Variants in TULP4 observed in about 807,000 individuals in gnomAD.
TULP4 encodes the protein tubby-related protein 4.
Under a neutral mutation model 129.0 loss-of-function variants are expected in TULP4, and 16 were observed. That is an observed-to-expected ratio of 0.12 (90% CI 0.08 to 0.19). TULP4 has a LOEUF of 0.19. Ranked by LOEUF, TULP4 falls within the 10% of genes least tolerant of loss-of-function variation. The pLI, the probability that TULP4 is intolerant of heterozygous loss-of-function variation, is 1.00. For synonymous variants in TULP4, 998 were observed against 854.0 expected (o/e 1.17, Z -2.94); for missense variants, 1,842 against 2,059.1 (o/e 0.89, Z 2.04).
chr6:158,392,813 T>TTTTTTTG (rs1777618352), intron 1 of TULP4, among the ~76,000 whole-genome samples: 1 of 120,998 alleles, frequency 8.3e-6, no homozygotes. Flanking sequence ...TTTTTTTTTT[T>TTTTTTTG]TTTTTTGAGA....
Position 158,503,227 on chromosome 6 carries a change from A to C in TULP4, c.3564A>C (p.Gly1188=). 6.2e-7 allele frequency: 1 copy of C among 1,614,008 alleles called. No individual in the cohort carries two copies. ...TATFQTGYGM[G]VPYPGSYNNP... ...CTTTCCAAACAGGCTATGGGATGGG[A>C]GTGCCATATCCAGGAAGCTATAACA... Residue 1188 remains glycine, a synonymous_variant, in exon 13 of 14, where the codon GGA becomes GGC. Transcript: ENST00000367097. The surrounding 1 kb of genome is among the most constrained non-coding windows in gnomAD (Gnocchi z 4.3).
intron 1 of TULP4, among the ~76,000 whole-genome samples, chr6:158,354,286 C>G (rs1168912003): frequency 2.6e-5 from 4 of 152,038 alleles, no homozygotes; most frequent in Non-Finnish European, 2.9e-5. Context: ...ATATGAATAG[C>G]CTTTATGTGT....
In TULP4 at chr6:158,440,395, C is replaced by G. The variant is rs551357873; in HGVS notation, c.544-8601C>G. The stretch of plus-strand genomic sequence containing the variant: ...ATGGTCAGCTTCTACACTGGAAACC[C>G]TTACTGGTGACTGGTGAGTGTGCTG... On this transcript the variant is annotated intron_variant, in intron 3 of 13. Transcript: ENST00000367097. 7.9e-5 allele frequency among the ~76,000 whole-genome samples: 12 copies of G among 151,832 alleles called. No homozygotes were observed. The South Asian group carries it at 2.3e-3, about 29-fold the overall frequency.
chr6:158,504,120 G>T lies in TULP4; in HGVS notation c.4457G>T (p.Gly1486Val). 6.2e-7 allele frequency: 1 copy of T among 1,608,594 alleles called. No homozygotes were observed. Among genetic ancestry groups the T allele is most frequent in the Non-Finnish European group, 8.5e-7 (1 of 1,177,972 alleles). Residue 1486 changes from glycine to valine, a missense_variant, in exon 13 of 14, where the codon GGG (glycine) becomes GTG (valine). Gly to Val is a moderately radical substitution (Grantham distance 109). This residue lies in a region of TULP4 where 47 missense variants were observed against 104.0 expected (regional missense o/e 0.45). Coordinates refer to ENST00000367097, the MANE Select transcript of TULP4 (RefSeq NM_020245.5). ...EATQVYQLDF[G>V]GRVTQESAKN... ...ACCCAGGTCTACCAGCTGGACTTCG[G>T]GGGGCGGGTGACCCAGGAGTCCGCC...
At position 158,502,384 on chromosome 6, in the gene TULP4, G is replaced by A. The variant is rs143772991; in HGVS notation, c.2721G>A (p.Met907Ile). ...AGGTGTGCCGGCCCCGCACCCGGAT[G>A]CTGTGCTCCCAGAACACGTACACCC... ...VEEVCRPRTR[M>I]LCSQNTYTLP... The change falls in exon 13 of 14, where the codon ATG becomes ATA. Residue 907 changes from methionine (M) to isoleucine (I), a missense_variant. Met to Ile is a conservative substitution (Grantham distance 10, BLOSUM62 1). Transcript: ENST00000367097. 8.2e-5 allele frequency: 133 copies of A among 1,613,778 alleles called. No homozygotes were observed. The African/African-American group carries it at 1.2e-3, about 15-fold the overall frequency.
At chr6:158,420,955 C>T (rs1191333110) in intron 2 of TULP4, among the ~76,000 whole-genome samples, 1 of 152,194 alleles carries the variant, frequency 6.6e-6, no homozygotes, top group Non-Finnish European at 1.5e-5. Context: ...GTGACCATGG[C>T]CCATGACACA....
intron 1 of TULP4, among the ~76,000 whole-genome samples, chr6:158,236,801 T>TTTTTTTTTTTTTTTTTTTTTTTTTTG (rs1777716163): frequency 3.3e-5 from 1 of 30,156 alleles, no homozygotes; most frequent in Admixed American, 5.4e-4. Context: ...TTTTCTTTTT[T>TTTTTTTTTTTTTTTTTTTTTTTTTTG]TTTTTTTTTT....
intron 6 of TULP4, among the ~76,000 whole-genome samples, chr6:158,466,905 C>T (rs998354394): frequency 8.5e-5 from 13 of 152,176 alleles, no homozygotes; most frequent in Non-Finnish European, 1.6e-4. Flanking sequence ...TTTTCGCACT[C>T]TGTATTCCTC....
chr6:158,429,520 T>G (rs1486459838), intron 2 of TULP4, among the ~76,000 whole-genome samples: 1 of 152,206 alleles, frequency 6.6e-6, no homozygotes, highest in Admixed American at 6.5e-5. Flanking sequence ...CTTCAAGTGA[T>G]CCTCTCACTT....
At position 158,503,310 on chromosome 6, in the gene TULP4, C is replaced by T. The variant is rs375157188; in HGVS notation, c.3647C>T (p.Thr1216Met). ...TCTCCCAAAGATGCCCTGTCCCCAA[C>T]GCAGTTTGCACAACAGGAGCCTGCT... is the stretch of plus-strand genomic sequence containing the variant. ...PCSPKDALSP[T>M]QFAQQEPAVV... Residue 1216 changes from threonine to methionine, a missense_variant, in exon 13 of 14, where the codon ACG becomes ATG. Thr to Met is a moderately conservative substitution (Grantham distance 81, BLOSUM62 -1). Around this residue, in one of 5 missense-constraint regions of TULP4, gnomAD observed 1,089 missense variants for 987.1 expected, o/e 1.10. Coordinates refer to ENST00000367097, the MANE Select transcript of TULP4 (RefSeq NM_020245.5). This position sits in a 1 kb window ranked among gnomAD's most constrained non-coding sequence, Gnocchi z 4.3. 8.0e-5 allele frequency: 129 copies of T among 1,613,882 alleles called. No individual in the cohort carries two copies. The highest frequency in any genetic ancestry group is 1.3e-4 in the Admixed American group (8 of 60,006).
intron 2 of TULP4, among the ~76,000 whole-genome samples, chr6:158,419,391 A>T (rs895519284): frequency 1.3e-5 from 2 of 152,272 alleles, no homozygotes; most frequent in African/African-American, 4.8e-5. Flanking sequence ...GATTATAGAT[A>T]GCATTTGTTT....
chr6:158,361,986 T>C (rs567724233), intron 1 of TULP4, among the ~76,000 whole-genome samples: 10 of 152,226 alleles, frequency 6.6e-5, no homozygotes, highest in Non-Finnish European at 1.3e-4. Context: ...GCCCCAAGAA[T>C]GTTCAAACTC....
chr6:158,249,685 A>G (rs1029512599), intron 1 of TULP4, among the ~76,000 whole-genome samples: 1 of 152,252 alleles, frequency 6.6e-6, no homozygotes, highest in Admixed American at 6.5e-5. Flanking sequence ...CAAAGTCCTG[A>G]TAGGAACTCC....
intron 1 of TULP4, among the ~76,000 whole-genome samples, chr6:158,320,850 C>T (rs1779610278): frequency 6.6e-6 from 1 of 152,162 alleles, no homozygotes; most frequent in Admixed American, 6.5e-5. Context: ...GGATTGGGTA[C>T]ATCTTCTCCG....
chr6:158,247,733 T>C (rs1778053705), intron 1 of TULP4, among the ~76,000 whole-genome samples: 1 of 152,250 alleles, frequency 6.6e-6, no homozygotes, highest in African/African-American at 2.4e-5. Flanking sequence ...ATTAAGAGTG[T>C]GTTTACCTCC....
At chr6:158,244,573 T>C (rs1245741462) in intron 1 of TULP4, among the ~76,000 whole-genome samples, 1 of 152,092 alleles carries the variant, frequency 6.6e-6, no homozygotes, top group Non-Finnish European at 1.5e-5. Flanking sequence ...TTGCTTTTTT[T>C]CTCCCCATGT....
chr6:158,244,927 G>A (rs1166263272), intron 1 of TULP4, among the ~76,000 whole-genome samples: 1 of 151,822 alleles, frequency 6.6e-6, no homozygotes, highest in Non-Finnish European at 1.5e-5. Flanking sequence ...TGGTTTTATC[G>A]CAGCCTGAGC....
chr6:158,268,022 CTTTT>C (rs1334738972), intron 1 of TULP4, among the ~76,000 whole-genome samples: 3 of 126,484 alleles, frequency 2.4e-5, no homozygotes, highest in African/African-American at 8.4e-5. Flanking sequence ...CTTTTCTTTT[CTTTT>C]TCTTTTTTCT....
At chr6:158,305,704 CAA>C (rs34473613) in intron 1 of TULP4, among the ~76,000 whole-genome samples, 4,937 of 136,452 alleles carry the variant, frequency 0.036, 237 homozygotes, top group African/African-American at 0.12. Context: ...AACCCTGTCT[CAA>C]AAAAAAAAAA....
Sources: allele counts gnomAD v4.1 joint callset (sites outside exome capture counted in the v4.1 genomes callset), GRCh38; gene constraint gnomAD v4.1.1; regional missense constraint gnomAD v4.1.1; non-coding constraint Gnocchi (gnomAD v3.1); transcripts MANE v1.5; gene names NCBI Gene and HGNC (gene_info 2026-07-23, HGNC 2026-07-21).